CLPB: variants seen among roughly 807,000 people sequenced by gnomAD.
CLPB encodes mitochondrial disaggregase.
CLPB carries 40 observed loss-of-function variants against 78.4 expected under a neutral mutation model. The ratio of observed to expected loss-of-function variants is 0.51; its 90% confidence interval spans 0.40 to 0.66. The LOEUF (loss-of-function observed/expected upper bound fraction) is 0.66, where lower values mean the gene tolerates loss of function less well. Ranked by LOEUF, CLPB falls within the 30% of genes least tolerant of loss-of-function variation. The probability of loss-of-function intolerance (pLI) is 0.00; values close to 1 mark genes in which losing one functional copy is unlikely to be tolerated. For synonymous variants in CLPB, 333 were observed against 348.0 expected, an observed-to-expected ratio of 0.96 and a Z score of 0.48; for missense variants, 780 against 886.9, an observed-to-expected ratio of 0.88 and a Z score of 1.53.
At chr11:72,390,463 A>G (rs1855220560) in intron 3 of CLPB, among the ~76,000 whole-genome samples, 1 of 151,818 alleles carries the variant, frequency 6.6e-6, no homozygotes, top group South Asian at 2.1e-4. Flanking sequence ...GAAAAAAAAA[A>G]AAAGAAAAGA....
intron 2 of CLPB, among the ~76,000 whole-genome samples, chr11:72,423,913 G>C (rs1856283685): frequency 6.6e-6 from 1 of 152,130 alleles, no homozygotes; most frequent in South Asian, 2.1e-4. Context: ...TCCACCTGCT[G>C]TTCCCTCTAA....
At chr11:72,421,482 T>G (rs1156647618) in intron 2 of CLPB, among the ~76,000 whole-genome samples, 1 of 152,172 alleles carries the variant, frequency 6.6e-6, no homozygotes, top group Non-Finnish European at 1.5e-5. Flanking sequence ...ATGAGGAATT[T>G]TCCAGACAAG....
intron 11 of CLPB, among the ~76,000 whole-genome samples, chr11:72,296,051 C>CA (rs1295142630): frequency 2.0e-5 from 3 of 152,276 alleles, no homozygotes; most frequent in Non-Finnish European, 2.9e-5. Context: ...AACATGCTCC[C>CA]AGTATAGAGA....
rs1412765277 is a variant in CLPB, at chr11:72,317,157, G to C, written c.937C>G (p.Leu313Val). 3.1e-6 allele frequency: 5 copies of C among 1,612,416 alleles called. No individual in the cohort carries two copies. In the African/African-American group the frequency reaches 6.7e-5, roughly 22 times the overall value. ...ERRRFPLEQRLKEHIIGQESA... is the reference protein window; with the variant it reads ...ERRRFPLEQRVKEHIIGQESA... ...TCCTGGCCAATGATGTGCTCCTTTA[G>C]TCGCTGCTCCAGGGGGAAGCGGCGC... Residue 313 changes from leucine to valine, a missense_variant, in exon 7 of 16, where the codon CTA (leucine) becomes GTA (valine). Transcript: ENST00000538039.
intron 2 of CLPB, among the ~76,000 whole-genome samples, chr11:72,411,245 G>A (rs1042155563): frequency 3.3e-5 from 5 of 152,224 alleles, no homozygotes; most frequent in African/African-American, 1.2e-4. Context: ...TCTGGTGCTG[G>A]AAGTTACCTG....
chr11:72,342,741 T>G (rs538495619), intron 5 of CLPB, among the ~76,000 whole-genome samples: 49 of 152,316 alleles, frequency 3.2e-4, no homozygotes, highest in African/African-American at 1.1e-3. Context: ...CATCCGAGCC[T>G]GGGGTCTGGG....
intron 3 of CLPB, among the ~76,000 whole-genome samples, chr11:72,398,528 G>A (rs147280307): frequency 6.6e-6 from 1 of 151,900 alleles, no homozygotes; most frequent in African/African-American, 2.4e-5. Context: ...CCGTCTGTCC[G>A]TGTTTGGTAA....
intron 3 of CLPB, among the ~76,000 whole-genome samples, chr11:72,399,717 G>C (rs1855508293): frequency 6.6e-6 from 1 of 152,192 alleles, no homozygotes; most frequent in Admixed American, 6.5e-5. Flanking sequence ...CATCCTAAAG[G>C]AGGTGAAGGA....
chr11:72,390,003 T>G (rs551863016), intron 3 of CLPB, among the ~76,000 whole-genome samples: 2 of 152,312 alleles, frequency 1.3e-5, no homozygotes, highest in Admixed American at 6.5e-5. Context: ...CTATTACCCT[T>G]ACTAATTTGG....
At chr11:72,418,834 A>C (rs1856100994) in intron 2 of CLPB, among the ~76,000 whole-genome samples, 1 of 150,008 alleles carries the variant, frequency 6.7e-6, no homozygotes, top group Admixed American at 6.6e-5. Flanking sequence ...CACCCTGGTG[A>C]CAGAGTGAGA....
chr11:72,398,088 T>C (rs1855460109), intron 3 of CLPB, among the ~76,000 whole-genome samples: 2 of 152,220 alleles, frequency 1.3e-5, no homozygotes, highest in Admixed American at 6.5e-5. Flanking sequence ...CCTGTTCTGG[T>C]CCACCAGACT....
chr11:72,434,084 G>T lies in CLPB; in HGVS notation c.391C>A (p.Pro131Thr), dbSNP rs760899447. The change falls in exon 1 of 16, where the codon CCG (proline) becomes ACG (threonine). Residue 131 changes from proline (P) to threonine (T), a missense_variant. Around this residue, in one of 3 missense-constraint regions of CLPB, gnomAD observed 417 missense variants for 414.7 expected, o/e 1.01. Coordinates refer to ENST00000538039, the MANE Select transcript of CLPB (RefSeq NM_001258392.3). ...ATCTCATAATCACCCTTGTTGGACG[G>T]ACTCTTGCTGTAGCAATGAACCACC... The part of the protein sequence containing the change: ...ALVVHCYSKS[P>T]SNKDAALLEA... The T allele has an allele frequency of 6.2e-7, 1 of 1,610,676 alleles. No homozygotes were observed. Among genetic ancestry groups the T allele is most frequent in the East Asian group, 2.2e-5 (1 of 44,878 alleles).
At position 72,425,745 on chromosome 11, in the gene CLPB, A is replaced by AC. The variant is rs34400322; in HGVS notation, c.455+4566dup. On this transcript the variant is annotated intron_variant, in intron 2 of 15. Transcript: ENST00000538039. ...ACAGCAAGTGACTTCCCCTCTGCATACCCCCCAGGCTGCTCCTTGCCTTAT... is the reference window on the plus strand; with the variant it reads ...ACAGCAAGTGACTTCCCCTCTGCATACCCCCCCAGGCTGCTCCTTGCCTTAT... Among the ~76,000 whole-genome samples the AC allele has an allele frequency of 8.4e-4, 127 of 151,846 alleles. 1 individual carries two copies. In the East Asian group the frequency reaches 0.023, roughly 27 times the overall value.
At chr11:72,334,855 T>A (rs1205630194) in intron 5 of CLPB, among the ~76,000 whole-genome samples, 1 of 152,188 alleles carries the variant, frequency 6.6e-6, no homozygotes, top group Admixed American at 6.5e-5. Flanking sequence ...CCTCCCCTCC[T>A]CTCCCTCTCC....
intron 2 of CLPB, among the ~76,000 whole-genome samples, chr11:72,404,881 A>C (rs538614609): frequency 6.6e-6 from 1 of 152,200 alleles, no homozygotes; most frequent in East Asian, 1.9e-4. Context: ...CTTACTATAC[A>C]TAATGTTACA....
chr11:72,308,452 C>T, intron 8 of CLPB, 75 bp downstream of exon 8: 3 of 1,336,946 alleles, frequency 2.2e-6, no homozygotes, highest in East Asian at 2.3e-5. Flanking sequence ...TGGCCCGCAG[C>T]AGCTGGGGCT....
At chr11:72,296,532 C>A (rs1369544030) in intron 11 of CLPB, among the ~76,000 whole-genome samples, 1 of 152,194 alleles carries the variant, frequency 6.6e-6, no homozygotes, top group Admixed American at 6.5e-5. Context: ...GCTCACTCAG[C>A]GAACCTCAAG....
intron 5 of CLPB, among the ~76,000 whole-genome samples, chr11:72,347,785 G>A (rs1229254103): frequency 6.6e-6 from 1 of 152,182 alleles, no homozygotes; most frequent in African/African-American, 2.4e-5. Flanking sequence ...TTGCTAATTA[G>A]TTGACTTTGA....
Position 72,290,198 on chromosome 11 carries a change from T to A in CLPB, c.*3169A>T, listed in dbSNP as rs1269214772. 1 of 152,056 alleles carries A rather than the reference T, an allele frequency of 6.6e-6. No individual in the cohort carries two copies. Among genetic ancestry groups the A allele is most frequent in the Non-Finnish European group, 1.5e-5 (1 of 67,998 alleles). The allele number at this position is 152,056 out of a possible 1,614,324, so 9.4% of individuals were successfully genotyped here. On this transcript the variant is annotated 3_prime_UTR_variant, in exon 16 of 16. Transcript: ENST00000538039. Reference sequence around the variant, plus strand: ...TGAAACATCTTGTGGTGCCAGAAAATGCTTAAAAAGTGACAGGGGCAATGT... The same window carrying A: ...TGAAACATCTTGTGGTGCCAGAAAAAGCTTAAAAAGTGACAGGGGCAATGT...
Sources: gnomAD v4.1 joint callset for allele counts (sites outside exome capture counted in the v4.1 genomes callset) on GRCh38, gnomAD v4.1.1 for gene constraint, gnomAD v4.1.1 regional missense constraint, MANE v1.5 for transcripts, NCBI Gene and HGNC (gene_info 2026-07-23, HGNC 2026-07-21) for gene names.